The following COQ3 variants were observed in gnomAD, a reference collection of about 807,000 sequenced individuals.
COQ3 encodes the protein coenzyme Q3, methyltransferase, also known as ubiquinone biosynthesis O-methyltransferase, mitochondrial.
COQ3 carries 29 observed loss-of-function variants against 33.1 expected under a neutral mutation model. The ratio of observed to expected loss-of-function variants is 0.88; its 90% CI spans 0.65 to 1.19. The LOEUF is 1.19. Among genes scored for constraint, COQ3 ranks in the 50% most tolerant of loss-of-function variants. COQ3 has a pLI of 0.00. For missense variants in COQ3, 437 were observed against 430.7 expected, an observed-to-expected ratio of 1.01 and a Z score of -0.13; for synonymous variants, 173 against 157.8, an observed-to-expected ratio of 1.10 and a Z score of -0.72.
intron 5 of COQ3, among the ~76,000 whole-genome samples, chr6:99,375,387 T>A (rs1267787911): frequency 2.1e-5 from 3 of 139,684 alleles, no homozygotes; most frequent in Non-Finnish European, 4.7e-5. Context: ...AATATTTTTC[T>A]TTTTTTTTTT....
At chr6:99,387,404 T>C (rs1774682395) in intron 1 of COQ3, among the ~76,000 whole-genome samples, 1 of 152,110 alleles carries the variant, frequency 6.6e-6, no homozygotes, top group African/African-American at 2.4e-5. Context: ...TGAGCCATGA[T>C]TGCACCGCTG....
At chr6:99,373,637 A>G (rs1034613623) in intron 5 of COQ3, among the ~76,000 whole-genome samples, 1 of 152,156 alleles carries the variant, frequency 6.6e-6, no homozygotes, top group Non-Finnish European at 1.5e-5. Context: ...AATAAGAATT[A>G]ACAATCAATT....
At chr6:99,370,049 A>G (rs1013860962) in intron 6 of COQ3, among the ~76,000 whole-genome samples, 2 of 152,180 alleles carry the variant, frequency 1.3e-5, no homozygotes, top group Non-Finnish European at 1.5e-5. Flanking sequence ...CACATACTCC[A>G]ACGCAGTCTG....
At position 99,380,190 on chromosome 6, in the gene COQ3, T is replaced by A; in HGVS notation, c.385A>T (p.Arg129Trp). 1 of 1,613,140 alleles carries A rather than the reference T, an allele frequency of 6.2e-7. No individual in the cohort carries two copies. The highest frequency in any genetic ancestry group is 8.5e-7 in the Non-Finnish European group (1 of 1,179,440). Residue 129 changes from arginine to tryptophan, a missense_variant and splice_region_variant, in exon 3 of 7, where the codon AGG becomes TGG. Transcript: ENST00000254759. ...GACTTAGAGTTTCTGGAGTGTTACC[T>A]AATAAATGGCACCCTCAGGTCATTC... The part of the protein sequence containing the change: ...SMNDLRVPFI[R>W]DNLLKTIPNH...
In COQ3 at chr6:99,382,415, C is replaced by T. The variant is rs1201540763; in HGVS notation, c.233+1283G>A. On this transcript the variant is annotated intron_variant, in intron 2 of 6. Transcript: ENST00000254759. ...TTTTTATTAAGTTTGTTTTTAGCCA[C>T]ATAAAGAGAGCATATTCTATATTCA... 3.3e-5 allele frequency among the ~76,000 whole-genome samples: 5 copies of T among 152,150 alleles called. 1 individual carries two copies. The South Asian group carries it at 8.3e-4, about 25-fold the overall frequency.
intron 2 of COQ3, 82 bp downstream of exon 2, chr6:99,383,616 C>CTATTACA: frequency 9.3e-7 from 1 of 1,077,876 alleles, no homozygotes; most frequent in Non-Finnish European, 1.3e-6. Flanking sequence ...CTATTACATA[C>CTATTACA]TGACTGGGTT....
chr6:99,391,115 A>ATT (rs1440380520), intron 1 of COQ3, among the ~76,000 whole-genome samples: 14 of 145,694 alleles, frequency 9.6e-5, no homozygotes, highest in Non-Finnish European at 2.1e-4. Flanking sequence ...TTATTTATTT[A>ATT]TGAGACAGGG....
At chr6:99,377,555 T>C in intron 3 of COQ3, 70 bp from the exon 4 acceptor site, 2 of 1,088,826 alleles carry the variant, frequency 1.8e-6, no homozygotes, top group Non-Finnish European at 2.6e-6. Flanking sequence ...ACAAAGTGTG[T>C]AGTTTTCAAG....
chr6:99,391,556 A>T (rs1223778623), intron 1 of COQ3, among the ~76,000 whole-genome samples: 1 of 151,478 alleles, frequency 6.6e-6, no homozygotes. Context: ...ACGACATATA[A>T]GGTATTACTA....
chr6:99,381,515 T>G (rs972592936), intron 2 of COQ3, among the ~76,000 whole-genome samples: 1 of 152,130 alleles, frequency 6.6e-6, no homozygotes, highest in Non-Finnish European at 1.5e-5. Context: ...GCACTTCAAA[T>G]AGGTTGTCCC....
At chr6:99,378,380 A>G (rs558033318) in intron 3 of COQ3, among the ~76,000 whole-genome samples, 1 of 152,102 alleles carries the variant, frequency 6.6e-6, no homozygotes, top group South Asian at 2.1e-4. Flanking sequence ...TGTTTAAACC[A>G]CAGCTAAAAT....
At chr6:99,381,669 T>C (rs1774474852) in intron 2 of COQ3, among the ~76,000 whole-genome samples, 1 of 152,180 alleles carries the variant, frequency 6.6e-6, no homozygotes, top group African/African-American at 2.4e-5. Context: ...CTGACGTCTG[T>C]AATCGCAGCA....
In COQ3 at chr6:99,390,510, T is replaced by A. The variant is rs539499262; in HGVS notation, c.106+3564A>T. On this transcript the variant is annotated intron_variant, in intron 1 of 6. Transcript: ENST00000254759. ...CACCACGCCTGGCTAATTTTTTGGA[T>A]TTTTAGTAGAGACGGGTTTCACCGT... Among the ~76,000 whole-genome samples the A allele has an allele frequency of 1.2e-4, 19 of 152,170 alleles. No homozygotes were observed. The East Asian group carries it at 3.5e-3, about 28-fold the overall frequency.
chr6:99,388,911 ACACACACACACACACACACACACC>A (rs1275559039), intron 1 of COQ3, among the ~76,000 whole-genome samples: 1 of 148,974 alleles, frequency 6.7e-6, no homozygotes, highest in Non-Finnish European at 1.5e-5. Context: ...ACACACACAC[ACACACACACACACACACACACACC>A]CACATCCTCA....
intron 5 of COQ3, among the ~76,000 whole-genome samples, chr6:99,372,434 T>C (rs981337162): frequency 3.9e-5 from 6 of 152,064 alleles, no homozygotes; most frequent in African/African-American, 7.2e-5. Context: ...CAGTTTATCT[T>C]TGAGACACAG....
intron 1 of COQ3, 45 bp downstream of exon 1, chr6:99,394,029 G>A (rs1774904233): frequency 1.3e-6 from 2 of 1,523,936 alleles, no homozygotes; most frequent in East Asian, 4.5e-5. Flanking sequence ...AGACGCCAGC[G>A]CTCGCAATTG....
intron 1 of COQ3, among the ~76,000 whole-genome samples, chr6:99,387,785 A>G (rs2128473435): frequency 6.6e-6 from 1 of 152,368 alleles, no homozygotes; most frequent in East Asian, 1.9e-4. Flanking sequence ...AATGTTAAGA[A>G]AGAAATTAAA....
chr6:99,369,440 G>A lies in COQ3; in HGVS notation c.*160C>T, dbSNP rs1243855105. 3 of 593,284 alleles carry A rather than the reference G, an allele frequency of 5.1e-6. No individual in the cohort carries two copies. Among genetic ancestry groups the A allele is most frequent in the East Asian group, 5.6e-5 (2 of 35,916 alleles). 36.8% of individuals were successfully genotyped at this position (593,284 alleles called of 1,614,324 possible). A position where few individuals can be genotyped will look rare whatever the true frequency, so the allele number is the denominator to read the frequency against. On this transcript the variant is annotated 3_prime_UTR_variant, in exon 7 of 7. Transcript: ENST00000254759. ...TTTTTATTCACAGAATCCCTTGAAAGTAGCTATTAGACGAAATAACAAAAA... is the reference window on the plus strand; with the variant it reads ...TTTTTATTCACAGAATCCCTTGAAAATAGCTATTAGACGAAATAACAAAAA...
chr6:99,393,968 C>T, intron 1 of COQ3, 106 bp downstream of exon 1: 1 of 882,464 alleles, frequency 1.1e-6, no homozygotes, highest in Non-Finnish European at 1.9e-6. Flanking sequence ...CGCGCTGACC[C>T]CTCGCGAGGT....
Sources: gnomAD v4.1 joint callset for allele counts (sites outside exome capture counted in the v4.1 genomes callset) on GRCh38, gnomAD v4.1.1 for gene constraint, MANE v1.5 for transcripts, NCBI Gene and HGNC (gene_info 2026-07-23, HGNC 2026-07-21) for gene names.